The following TENM2 variants were observed in gnomAD, a reference collection of about 807,000 sequenced individuals.
The protein encoded by TENM2 is teneurin-2.
TENM2 carries 52 observed loss-of-function variants against 245.2 expected under a neutral mutation model. That is an observed-to-expected ratio of 0.21 (90% CI 0.17 to 0.27). TENM2 has a LOEUF of 0.27. TENM2 is among the 10% of genes least tolerant of loss of function. The pLI is 1.00. For missense variants in TENM2, 3,046 were observed against 3,666.8 expected (o/e 0.83, Z 4.37); for synonymous variants, 1,363 against 1,438.9 (o/e 0.95, Z 1.19).
At chr5:166,985,816 G>A in the TENM2 span, among the ~76,000 whole-genome samples, 1 of 152,036 alleles carries the variant, frequency 6.6e-6, no homozygotes, top group Non-Finnish European at 1.5e-5. Flanking sequence ...CTGTCAAGCT[G>A]AGAATCTAAA....
chr5:168,214,412 A>C (rs1321551267), intron 20 of TENM2, among the ~76,000 whole-genome samples: 2 of 152,214 alleles, frequency 1.3e-5, no homozygotes, highest in Non-Finnish European at 2.9e-5. Flanking sequence ...CTGTCTCAGT[A>C]ATTCAGATTC....
At position 167,319,686 on chromosome 5, in the gene TENM2, A is replaced by G. The variant is rs188524615; in HGVS notation, c.226+34623A>G. Reference sequence around the variant, plus strand: ...GCATCAGGGTGCTAGGTTTTCTCCAATCAGCAGTGATTTCTGCTATGCCAT... The same window carrying G: ...GCATCAGGGTGCTAGGTTTTCTCCAGTCAGCAGTGATTTCTGCTATGCCAT... On this transcript the variant is annotated intron_variant, in intron 1 of 28. Coordinates refer to ENST00000518659, the Ensembl canonical transcript of TENM2. 9.2e-5 allele frequency among the ~76,000 whole-genome samples: 14 copies of G among 152,318 alleles called. No homozygotes were observed. The South Asian group carries it at 1.5e-3, about 16-fold the overall frequency.
the TENM2 span, among the ~76,000 whole-genome samples, chr5:167,104,188 G>A: frequency 8.6e-5 from 13 of 151,714 alleles, no homozygotes; most frequent in East Asian, 1.2e-3. Context: ...TGTGGCTGTC[G>A]TTCTCTGCAT....
chr5:167,659,152 A>G (rs1335667338), intron 2 of TENM2, among the ~76,000 whole-genome samples: 3 of 152,202 alleles, frequency 2.0e-5, no homozygotes, highest in African/African-American at 7.2e-5. Flanking sequence ...TGGTTTATAG[A>G]TTGCAATGAT....
At chr5:168,005,412 TG>T (rs1784746230) in intron 5 of TENM2, among the ~76,000 whole-genome samples, 1 of 152,230 alleles carries the variant, frequency 6.6e-6, no homozygotes, top group African/African-American at 2.4e-5. Flanking sequence ...CTGAATACCT[TG>T]CTAATTTTGC....
chr5:167,580,650 C>A (rs961393491), intron 2 of TENM2, among the ~76,000 whole-genome samples: 2 of 152,244 alleles, frequency 1.3e-5, no homozygotes, highest in Non-Finnish European at 2.9e-5. Context: ...CCTTCCAAGT[C>A]TGCAGAACAG....
intron 4 of TENM2, among the ~76,000 whole-genome samples, chr5:167,956,990 A>G (rs1029563913): frequency 2.0e-5 from 3 of 152,202 alleles, no homozygotes; most frequent in African/African-American, 7.2e-5. Context: ...GCCTCATAAA[A>G]TGAGTTAGGG....
chr5:168,213,673 AAAG>A (rs199732827), intron 20 of TENM2, among the ~76,000 whole-genome samples: 1,607 of 152,246 alleles, frequency 0.011, 36 homozygotes, highest in African/African-American at 0.037. Flanking sequence ...AAAAAAAAAA[AAAG>A]GTTTTTAATT....
chr5:167,060,095 A>G, the TENM2 span, among the ~76,000 whole-genome samples: 1 of 152,190 alleles, frequency 6.6e-6, no homozygotes, highest in African/African-American at 2.4e-5. Context: ...TCTATATAGA[A>G]ATTTACTTAT....
chr5:167,099,898 CT>C, the TENM2 span, among the ~76,000 whole-genome samples: 1 of 152,156 alleles, frequency 6.6e-6, no homozygotes, highest in Non-Finnish European at 1.5e-5. Context: ...CAGATGACCA[CT>C]GAAATGAGCA....
chr5:167,754,649 C>G (rs970866671), intron 2 of TENM2, among the ~76,000 whole-genome samples: 5 of 148,456 alleles, frequency 3.4e-5, no homozygotes, highest in African/African-American at 1.2e-4. Flanking sequence ...ACAGTGATGT[C>G]AGAAAACAAC....
the TENM2 span, among the ~76,000 whole-genome samples, chr5:167,166,003 T>G: frequency 3.9e-5 from 6 of 152,322 alleles, no homozygotes; most frequent in South Asian, 1.2e-3. Flanking sequence ...CTCAATTTTC[T>G]TGTATGAATA....
chr5:167,354,574 C>T (rs949507176), intron 1 of TENM2, among the ~76,000 whole-genome samples: 3 of 152,096 alleles, frequency 2.0e-5, no homozygotes, highest in African/African-American at 7.2e-5. Flanking sequence ...GATAGTTAAT[C>T]ATAGAAGTTT....
In TENM2 at chr5:167,827,635, G is replaced by GC. The variant is rs1554126522; in HGVS notation, c.503-48351_503-48350insC. Among the ~76,000 whole-genome samples the GC allele has an allele frequency of 5.2e-4, 56 of 108,054 alleles. 2 individuals are homozygous for GC. Among genetic ancestry groups the GC allele is most frequent in the African/African-American group, 1.4e-3 (42 of 29,444 alleles). The allele number at this position is 108,054 out of a possible 152,430, so 70.9% of individuals were successfully genotyped here. On this transcript the variant is annotated intron_variant, in intron 2 of 28. Transcript: ENST00000518659. ...GGCAAGGAGCTAGGTGGGCGGGGGG[G>GC]GGGGAACAGTTTAATGAGCGTGAAT...
intron 2 of TENM2, among the ~76,000 whole-genome samples, chr5:167,469,347 CTATT>C (rs1248567926): frequency 2.6e-5 from 4 of 152,014 alleles, no homozygotes; most frequent in South Asian, 4.1e-4. Flanking sequence ...TTTTGCAAGA[CTATT>C]TGTTTTTTAA....
chr5:167,907,101 G>T (rs1026128908), intron 3 of TENM2, among the ~76,000 whole-genome samples: 2 of 151,988 alleles, frequency 1.3e-5, no homozygotes, highest in South Asian at 2.1e-4. Flanking sequence ...GTGTGGTGGC[G>T]CATGCCTGTA....
At chr5:168,056,175 A>G (rs1218636908) in intron 6 of TENM2, among the ~76,000 whole-genome samples, 12 of 152,192 alleles carry the variant, frequency 7.9e-5, no homozygotes, top group Admixed American at 7.2e-4. Flanking sequence ...AGAGAACAAC[A>G]GAGATCTGTC....
At chr5:166,994,586 A>C in the TENM2 span, among the ~76,000 whole-genome samples, 1 of 152,136 alleles carries the variant, frequency 6.6e-6, no homozygotes, top group African/African-American at 2.4e-5. Context: ...CTTTTTAGAT[A>C]TGCATGTTCT....
At chr5:168,180,715 G>A (rs1489720368) in intron 13 of TENM2, among the ~76,000 whole-genome samples, 1 of 152,136 alleles carries the variant, frequency 6.6e-6, no homozygotes, top group East Asian at 1.9e-4. Context: ...GGCCAACATG[G>A]TGAAACCCTG....
Sources: allele counts gnomAD v4.1 joint callset (sites outside exome capture counted in the v4.1 genomes callset), GRCh38; gene constraint gnomAD v4.1.1; transcripts MANE v1.5; gene names NCBI Gene and HGNC (gene_info 2026-07-23, HGNC 2026-07-21).